ADAMTS17: variants seen among roughly 807,000 people sequenced by gnomAD.
ADAMTS17 encodes the protein A disintegrin and metalloproteinase with thrombospondin motifs 17.
Under a neutral mutation model 141.5 loss-of-function variants are expected in ADAMTS17, and 113 were observed. The ratio of observed to expected loss-of-function variants is 0.80; its 90% confidence interval spans 0.69 to 0.93. ADAMTS17 has a LOEUF of 0.93. ADAMTS17 is among the 40% of genes least tolerant of loss of function. The pLI is 0.00. For missense variants in ADAMTS17, 1,659 were observed against 1,517.9 expected (o/e 1.09, Z -1.54); for synonymous variants, 768 against 630.6 (o/e 1.22, Z -3.27).
chr15:100,240,126 G>A (rs981684626), intron 7 of ADAMTS17, among the ~76,000 whole-genome samples: 1 of 152,182 alleles, frequency 6.6e-6, no homozygotes. Context: ...ACCAGCTGCT[G>A]CTCAGGAGGG....
At chr15:100,233,243 T>C (rs1246824906) in intron 7 of ADAMTS17, among the ~76,000 whole-genome samples, 1 of 151,402 alleles carries the variant, frequency 6.6e-6, no homozygotes, top group African/African-American at 2.4e-5. Context: ...GGCAGGAGAA[T>C]CGCTTGAACC....
chr15:100,008,109 T>A (rs1232561537), intron 18 of ADAMTS17, among the ~76,000 whole-genome samples: 1 of 151,452 alleles, frequency 6.6e-6, no homozygotes, highest in East Asian at 1.9e-4. Flanking sequence ...GATGGATGGG[T>A]GAAGGAGAGG....
chr15:100,059,357 C>G (rs546939134), intron 15 of ADAMTS17, among the ~76,000 whole-genome samples: 4 of 151,996 alleles, frequency 2.6e-5, no homozygotes, highest in African/African-American at 9.7e-5. Context: ...CGCCTCTCCT[C>G]GGGACAGCGT....
At chr15:100,182,874 G>A (rs78140818) in intron 8 of ADAMTS17, among the ~76,000 whole-genome samples, 5,532 of 152,306 alleles carry the variant, frequency 0.036, 169 homozygotes, top group East Asian at 0.18. Context: ...GATTCACTCA[G>A]CTTCTTGAAT....
chr15:100,297,167 T>C (rs1206234472), intron 3 of ADAMTS17, among the ~76,000 whole-genome samples: 1 of 151,910 alleles, frequency 6.6e-6, no homozygotes, highest in African/African-American at 2.4e-5. Context: ...GAACAGCATA[T>C]ACACAGGGCC....
Position 100,096,477 on chromosome 15 carries a change from C to A in ADAMTS17, c.2017-1G>T. On this transcript the variant is annotated splice_acceptor_variant, in intron 14 of 21. Transcript: ENST00000268070. LOFTEE classifies it high-confidence loss of function. ...CGATGATGCCGTCACAGCCGATTTT[C>A]TAAAGAACCAGAGGGCCTCATTATT... 1 of 1,614,094 alleles carries A rather than the reference C, an allele frequency of 6.2e-7. No homozygotes were observed. Among genetic ancestry groups the A allele is most frequent in the Non-Finnish European group, 8.5e-7 (1 of 1,180,016 alleles).
At chr15:100,234,740 A>G (rs2042600604) in intron 7 of ADAMTS17, among the ~76,000 whole-genome samples, 1 of 152,136 alleles carries the variant, frequency 6.6e-6, no homozygotes, top group Admixed American at 6.5e-5. Flanking sequence ...GGACTCCCCG[A>G]CCACTCCTCT....
chr15:100,285,564 A>G (rs1433829847), intron 3 of ADAMTS17, among the ~76,000 whole-genome samples: 1 of 152,252 alleles, frequency 6.6e-6, no homozygotes, highest in Non-Finnish European at 1.5e-5. Context: ...CTACACAAGA[A>G]GAATCTCTGC....
intron 3 of ADAMTS17, among the ~76,000 whole-genome samples, chr15:100,281,816 G>C: frequency 1.3e-5 from 2 of 152,326 alleles, no homozygotes; most frequent in South Asian, 4.1e-4. Flanking sequence ...GCTGGGCAGA[G>C]GGGACAGGAC....
chr15:100,277,423 T>C (rs1201681621), intron 4 of ADAMTS17, among the ~76,000 whole-genome samples: 1 of 152,156 alleles, frequency 6.6e-6, no homozygotes, highest in East Asian at 1.9e-4. Flanking sequence ...CACCCCTGCC[T>C]GGATGATAAA....
intron 19 of ADAMTS17, among the ~76,000 whole-genome samples, chr15:99,996,454 A>G (rs1489951047): frequency 6.6e-6 from 1 of 152,232 alleles, no homozygotes; most frequent in African/African-American, 2.4e-5. Flanking sequence ...GACAAAGACA[A>G]AAAAATCAAA....
In ADAMTS17 at chr15:99,993,230, A is replaced by C; in HGVS notation, c.2797-30T>G. 6.2e-7 allele frequency: 1 copy of C among 1,613,874 alleles called. No homozygotes were observed. Among genetic ancestry groups the C allele is most frequent in the Non-Finnish European group, 8.5e-7 (1 of 1,180,006 alleles). ...AAGACACCATTCAAATATTTAACCGAGTTCCAATTCGATTCAAGTCCATCA... is the reference window on the plus strand; with the variant it reads ...AAGACACCATTCAAATATTTAACCGCGTTCCAATTCGATTCAAGTCCATCA... On this transcript the variant is annotated intron_variant, in intron 19 of 21. Coordinates refer to ENST00000268070, the MANE Select transcript of ADAMTS17 (RefSeq NM_139057.4). This position sits in a 1 kb window ranked among gnomAD's most constrained non-coding sequence, Gnocchi z 4.3.
chr15:100,211,760 A>G (rs570217465), intron 7 of ADAMTS17, among the ~76,000 whole-genome samples: 160 of 152,348 alleles, frequency 1.1e-3, no homozygotes, highest in Non-Finnish European at 1.7e-3. Context: ...CTACCTTGTC[A>G]CCAGAGAAAT....
chr15:100,315,193 T>G (rs1334292511), intron 3 of ADAMTS17, among the ~76,000 whole-genome samples: 1 of 152,172 alleles, frequency 6.6e-6, no homozygotes, highest in Non-Finnish European at 1.5e-5. Context: ...GGCGGGACCT[T>G]CGTCCTCTGC....
chr15:100,313,473 G>A (rs1330599285), intron 3 of ADAMTS17, among the ~76,000 whole-genome samples: 5 of 152,200 alleles, frequency 3.3e-5, no homozygotes, highest in African/African-American at 4.8e-5. Flanking sequence ...TGATACCCAT[G>A]TCCAATTTTA....
chr15:100,293,844 T>C (rs1320050153), intron 3 of ADAMTS17, among the ~76,000 whole-genome samples: 2 of 152,214 alleles, frequency 1.3e-5, no homozygotes, highest in African/African-American at 4.8e-5. Flanking sequence ...TTAAAACTCT[T>C]TGAAATTCCT....
chr15:100,297,470 C>T (rs8036693), intron 3 of ADAMTS17, among the ~76,000 whole-genome samples: 1,929 of 152,192 alleles, frequency 0.013, 23 homozygotes, highest in Non-Finnish European at 0.019. Context: ...AGGAAGGCAA[C>T]TGCAGGTGGG....
intron 18 of ADAMTS17, among the ~76,000 whole-genome samples, chr15:100,024,311 G>A (rs2061465448): frequency 6.6e-6 from 1 of 152,154 alleles, no homozygotes. Context: ...GCCCTGGCTG[G>A]TCTCAAACTC....
intron 10 of ADAMTS17, among the ~76,000 whole-genome samples, chr15:100,135,511 C>T (rs764448128): frequency 2.8e-4 from 43 of 152,204 alleles, no homozygotes; most frequent in Non-Finnish European, 6.0e-4. Flanking sequence ...TCTCAATCTC[C>T]TGACCTCGTG....
Sources: gnomAD v4.1 joint callset for allele counts (sites outside exome capture counted in the v4.1 genomes callset) on GRCh38, gnomAD v4.1.1 for gene constraint, Gnocchi (gnomAD v3.1) non-coding constraint, MANE v1.5 for transcripts, NCBI Gene and HGNC (gene_info 2026-07-23, HGNC 2026-07-21) for gene names.